The following SSR1 variants were observed in gnomAD, a reference collection of about 807,000 sequenced individuals.
The protein encoded by SSR1 is translocon-associated protein subunit alpha.
SSR1 carries 13 observed loss-of-function variants against 36.1 expected under a neutral mutation model. The ratio of observed to expected loss-of-function variants is 0.36; its 90% CI spans 0.23 to 0.57. The LOEUF is 0.57. SSR1 is among the 20% of genes least tolerant of loss of function. SSR1 has a pLI of 0.81. For synonymous variants in SSR1, 113 were observed against 118.9 expected (o/e 0.95, Z 0.32); for missense variants, 291 against 338.5 (o/e 0.86, Z 1.10).
chr6:7,312,956 G>A, intron 1 of SSR1, 86 bp downstream of exon 1: 1 of 1,370,778 alleles, frequency 7.3e-7, no homozygotes. Context: ...CCCAGGACCC[G>A]GAGCGGCCAC....
intron 2 of SSR1, among the ~76,000 whole-genome samples, chr6:7,305,430 A>G (rs935081094): frequency 1.1e-4 from 16 of 152,242 alleles, no homozygotes; most frequent in African/African-American, 3.9e-4. Context: ...GGACCAGACC[A>G]TGATAGAGAA....
chr6:7,302,537 G>A lies in SSR1; in HGVS notation c.281-965C>T, dbSNP rs537496163. On this transcript the variant is annotated intron_variant, in intron 3 of 7. Coordinates refer to ENST00000244763, the MANE Select transcript of SSR1 (RefSeq NM_003144.5). ...TCCCAGTACTTCAGGAGGCAGAGGCGGGCGGATCATGAGGTGGAGATTGAG... is the reference window on the plus strand; with the variant it reads ...TCCCAGTACTTCAGGAGGCAGAGGCAGGCGGATCATGAGGTGGAGATTGAG... Among the ~76,000 whole-genome samples, 5 of 152,226 alleles carry A rather than the reference G, an allele frequency of 3.3e-5. No homozygotes were observed. The East Asian group carries it at 9.7e-4, about 29-fold the overall frequency.
intron 2 of SSR1, among the ~76,000 whole-genome samples, chr6:7,306,787 G>A (rs1020893576): frequency 2.0e-5 from 3 of 151,734 alleles, no homozygotes; most frequent in Non-Finnish European, 4.4e-5. Flanking sequence ...GTGGTGGCGG[G>A]CGCCTATAAT....
At chr6:7,309,804 A>T in intron 2 of SSR1, 113 bp downstream of exon 2, 1 of 911,810 alleles carries the variant, frequency 1.1e-6, no homozygotes, top group Non-Finnish European at 1.8e-6. Flanking sequence ...GGTCAATGAA[A>T]CCTTTTTCCT....
Position 7,313,031 on chromosome 6 carries a change from C to T in SSR1, c.79+11G>A, listed in dbSNP as rs1383362563. The T allele has an allele frequency of 1.9e-6, 3 of 1,595,714 alleles. No individual in the cohort carries two copies. Among genetic ancestry groups the T allele is most frequent in the Non-Finnish European group, 2.6e-6 (3 of 1,171,448 alleles). Reference sequence around the variant, plus strand: ...CCTGGCCATCCCCTCCGCACACTCCCCCAGCCTCACCTCTGGGGCCGCCTC... The same window carrying T: ...CCTGGCCATCCCCTCCGCACACTCCTCCAGCCTCACCTCTGGGGCCGCCTC... On this transcript the variant is annotated intron_variant, in intron 1 of 7. Transcript: ENST00000244763.
Position 7,286,381 on chromosome 6 carries a change from A to G in SSR1, c.*3483T>C, listed in dbSNP as rs1485943736. ...CATAAGCACCCGAAATAAATTATTT[A>G]GATGTTTGCAAGTCAGCTGCAAGGT... On this transcript the variant is annotated 3_prime_UTR_variant, in exon 8 of 8. Transcript: ENST00000244763. The G allele has an allele frequency of 6.6e-6, 1 of 152,260 alleles. No individual in the cohort carries two copies. The highest frequency in any genetic ancestry group is 2.4e-5 in the African/African-American group (1 of 41,470). 9.4% of individuals were successfully genotyped at this position (152,260 alleles called of 1,614,324 possible).
chr6:7,304,388 G>A (rs1469536993), intron 2 of SSR1, among the ~76,000 whole-genome samples: 1 of 152,162 alleles, frequency 6.6e-6, no homozygotes, highest in African/African-American at 2.4e-5. Flanking sequence ...AATGGGGATC[G>A]CTAGATGTGG....
intron 7 of SSR1, among the ~76,000 whole-genome samples, chr6:7,294,454 G>A (rs1051408927): frequency 1.3e-5 from 2 of 152,160 alleles, no homozygotes; most frequent in South Asian, 2.1e-4. Context: ...TTGGGAGGCC[G>A]AGGCTAGCGG....
intron 4 of SSR1, among the ~76,000 whole-genome samples, chr6:7,300,253 T>C (rs1416899665): frequency 6.6e-6 from 1 of 152,200 alleles, no homozygotes; most frequent in Non-Finnish European, 1.5e-5. Context: ...ACCAGGGTAA[T>C]GAAAAGGTTG....
intron 6 of SSR1, chr6:7,296,985 C>T (rs917755116): frequency 1.8e-5 from 3 of 162,370 alleles, no homozygotes; most frequent in Non-Finnish European, 4.1e-5. Context: ...CTTTGGGAAA[C>T]CAACATGAGA....
At chr6:7,298,041 G>C in intron 5 of SSR1, 40 bp from the exon 6 acceptor site, 2 of 1,460,978 alleles carry the variant, frequency 1.4e-6, no homozygotes, top group Non-Finnish European at 1.9e-6. Flanking sequence ...CTTTAATTCA[G>C]AGGAAATACC....
At chr6:7,294,108 C>T (rs1757739754) in intron 7 of SSR1, among the ~76,000 whole-genome samples, 1 of 151,976 alleles carries the variant, frequency 6.6e-6, no homozygotes, top group Non-Finnish European at 1.5e-5. Flanking sequence ...ATATTCATTA[C>T]AGTATCATCT....
Position 7,281,461 on chromosome 6 carries a change from A to T in SSR1, c.*8403T>A, listed in dbSNP as rs946614511. 6.6e-6 allele frequency: 1 copy of T among 152,254 alleles called. No individual in the cohort carries two copies. The highest frequency in any genetic ancestry group is 1.5e-5 in the Non-Finnish European group (1 of 68,044). The allele number at this position is 152,254 out of a possible 1,614,324, so 9.4% of individuals were successfully genotyped here. A position where few individuals can be genotyped will look rare whatever the true frequency, so the allele number is the denominator to read the frequency against. ...AACAAACCTAAGATATGCTGACAGAAATCACATTGAGTTTGCAAGCACTCA... is the reference window on the plus strand; with the variant it reads ...AACAAACCTAAGATATGCTGACAGATATCACATTGAGTTTGCAAGCACTCA... On this transcript the variant is annotated 3_prime_UTR_variant, in exon 8 of 8. Coordinates refer to ENST00000244763, the MANE Select transcript of SSR1 (RefSeq NM_003144.5).
Position 7,285,092 on chromosome 6 carries a change from A to C in SSR1, c.*4772T>G, listed in dbSNP as rs1173974068. On this transcript the variant is annotated 3_prime_UTR_variant, in exon 8 of 8. Transcript: ENST00000244763. The surrounding 1 kb of genome is among the most constrained non-coding windows in gnomAD (Gnocchi z 4.1). ...TTTCTTGTTCCTTCTTCAAAGAGTAATAGGGTTCTACCTAATTGTGAACTA... is the reference window on the plus strand; with the variant it reads ...TTTCTTGTTCCTTCTTCAAAGAGTACTAGGGTTCTACCTAATTGTGAACTA... 6.6e-6 allele frequency: 1 copy of C among 152,224 alleles called. No homozygotes were observed. Among genetic ancestry groups the C allele is most frequent in the African/African-American group, 2.4e-5 (1 of 41,464 alleles). The allele number at this position is 152,224 out of a possible 1,614,324, so 9.4% of individuals were successfully genotyped here.
intron 2 of SSR1, among the ~76,000 whole-genome samples, chr6:7,307,727 A>G (rs192341239): frequency 1.3e-3 from 195 of 152,166 alleles, no homozygotes; most frequent in Non-Finnish European, 1.7e-3. Flanking sequence ...GTGTCACACT[A>G]TTTTGGCCAG....
chr6:7,306,927 G>GC (rs146300896), intron 2 of SSR1, among the ~76,000 whole-genome samples: 170 of 146,534 alleles, frequency 1.2e-3, no homozygotes, highest in Middle Eastern at 3.5e-3. Context: ...GGTGGTGGGG[G>GC]GGTGGGGGAA....
In SSR1 at chr6:7,313,186, G is replaced by A. The variant is rs1019213432; in HGVS notation, c.-66C>T. 1 of 1,451,068 alleles carries A rather than the reference G, an allele frequency of 6.9e-7. No individual in the cohort carries two copies. The highest frequency in any genetic ancestry group is 9.4e-7 in the Non-Finnish European group (1 of 1,068,932). The allele number at this position is 1,451,068 out of a possible 1,614,324, so 89.9% of individuals were successfully genotyped here. On this transcript the variant is annotated 5_prime_UTR_variant, in exon 1 of 8. In the 5' UTR this introduces an upstream ATG that the reference lacks. Transcript: ENST00000244763. ...TCTCGGCGGCTCCGGCGGTAATGGC[G>A]TTACTCTTCATCCGGGCTCCGGGCA...
intron 2 of SSR1, among the ~76,000 whole-genome samples, chr6:7,309,098 C>A (rs181031517): frequency 2.6e-5 from 4 of 152,314 alleles, no homozygotes; most frequent in Admixed American, 2.6e-4. Context: ...ATTCTCCCAA[C>A]TTCAATTCAC....
chr6:7,305,404 T>C (rs1033281414), intron 2 of SSR1, among the ~76,000 whole-genome samples: 1 of 152,144 alleles, frequency 6.6e-6, no homozygotes, highest in Non-Finnish European at 1.5e-5. Flanking sequence ...GCAATACTAG[T>C]TTTACTAGAT....
Sources: allele counts gnomAD v4.1 joint callset (sites outside exome capture counted in the v4.1 genomes callset), GRCh38; gene constraint gnomAD v4.1.1; non-coding constraint Gnocchi (gnomAD v3.1); transcripts MANE v1.5; gene names NCBI Gene and HGNC (gene_info 2026-07-23, HGNC 2026-07-21).